Variants in KIF6 observed in about 807,000 individuals in gnomAD.
KIF6 encodes the protein kinesin family member 6.
In KIF6, 106 loss-of-function variants were observed where a neutral mutation model predicts 112.7. The ratio of observed to expected loss-of-function variants is 0.94; its 90% CI spans 0.80 to 1.11. KIF6 has a LOEUF of 1.11. Among genes scored for constraint, KIF6 ranks in the 50% least tolerant of loss-of-function variants. The pLI is 0.00. For missense variants in KIF6, 929 were observed against 964.0 expected (o/e 0.96, Z 0.48); for synonymous variants, 339 against 339.9 (o/e 1.00, Z 0.03).
At chr6:39,703,087 C>A (rs2987590) in intron 3 of KIF6, among the ~76,000 whole-genome samples, 2,546 of 76,470 alleles carry the variant, frequency 0.033, 281 homozygotes, top group Middle Eastern at 0.045. Context: ...CCCCCACCCC[C>A]ACTCCCGGCC....
chr6:39,511,548 T>C (rs1245734060), intron 13 of KIF6, among the ~76,000 whole-genome samples: 3 of 152,158 alleles, frequency 2.0e-5, no homozygotes, highest in Non-Finnish European at 4.4e-5. Context: ...TCCTCAAGGA[T>C]CTAGAACTAG....
intron 6 of KIF6, among the ~76,000 whole-genome samples, chr6:39,596,834 G>C (rs1782298212): frequency 6.6e-6 from 1 of 152,152 alleles, no homozygotes; most frequent in Admixed American, 6.5e-5. Context: ...GAAAATGCAA[G>C]AGCATCTCCA....
chr6:39,480,613 G>A (rs4540261), intron 13 of KIF6, among the ~76,000 whole-genome samples: 24,123 of 151,958 alleles, frequency 0.16, 2,626 homozygotes, highest in African/African-American at 0.29. Context: ...ATCTTGTGGA[G>A]TGGTGTCAAA....
intron 10 of KIF6, among the ~76,000 whole-genome samples, chr6:39,561,331 TA>T (rs1370910444): frequency 2.0e-5 from 3 of 150,650 alleles, no homozygotes; most frequent in African/African-American, 7.4e-5. Flanking sequence ...CTGAGAATGT[TA>T]AAAGGAGAAT....
At chr6:39,376,306 G>T (rs1310864741) in intron 16 of KIF6, among the ~76,000 whole-genome samples, 1 of 152,116 alleles carries the variant, frequency 6.6e-6, no homozygotes, top group Admixed American at 6.5e-5. Context: ...CCGCACCAAG[G>T]TTGCGAGTGT....
chr6:39,639,681 C>A lies in KIF6; in HGVS notation c.328G>T (p.Gly110Cys), dbSNP rs1784808144. Reference protein sequence around the residue: ...GSGKTFTITGGAERYSDRGII... With the variant: ...GSGKTFTITGCAERYSDRGII... ...CCTCTGTCACTGTAACGCTCTGCAC[C>A]CCCTGTGATAGTGAATGTCTTCCCG... The change falls in exon 4 of 23, where the codon GGT becomes TGT. Residue 110 changes from glycine to cysteine, a missense_variant. This residue lies in a region of KIF6 where 688 missense variants were observed against 662.7 expected (regional missense o/e 1.04). Transcript: ENST00000287152. 1 of 1,611,724 alleles carries A rather than the reference C, an allele frequency of 6.2e-7. No homozygotes were observed. The highest frequency in any genetic ancestry group is 2.2e-5 in the East Asian group (1 of 44,752).
At chr6:39,370,892 G>A (rs1270908977) in intron 16 of KIF6, among the ~76,000 whole-genome samples, 1 of 152,088 alleles carries the variant, frequency 6.6e-6, no homozygotes, top group Non-Finnish European at 1.5e-5. Flanking sequence ...AGAGGGTGGG[G>A]CATGGGCTGA....
rs1774023657 is a variant in KIF6, at chr6:39,470,043, A to G, written c.1646-38882T>C. On this transcript the variant is annotated intron_variant, in intron 13 of 22. Transcript: ENST00000287152. The stretch of plus-strand genomic sequence containing the variant: ...ACGAAAACATTCTCTAGGATAAATC[A>G]TGTCTTTGACCATAAAACAAGCCTT... Among the ~76,000 whole-genome samples, 3 of 152,238 alleles carry G rather than the reference A, an allele frequency of 2.0e-5. No individual in the cohort carries two copies. In the South Asian group the frequency reaches 6.2e-4, roughly 31 times the overall value.
chr6:39,502,928 C>G lies in KIF6; in HGVS notation c.1645+37075G>C, dbSNP rs188960283. On this transcript the variant is annotated intron_variant, in intron 13 of 22. Transcript: ENST00000287152. ...TAACACCCCGCTGACAATATTAGAT[C>G]ATTGAGACAGAAAATTAACAAAGAT... Among the ~76,000 whole-genome samples, 82 of 151,980 alleles carry G rather than the reference C, an allele frequency of 5.4e-4. 1 individual carries two copies. The East Asian group carries it at 0.015, about 27-fold the overall frequency.
At chr6:39,659,494 C>G (rs1786003203) in intron 3 of KIF6, among the ~76,000 whole-genome samples, 1 of 152,106 alleles carries the variant, frequency 6.6e-6, no homozygotes. Flanking sequence ...TGGGTGTGTT[C>G]CCACCCAAAT....
intron 16 of KIF6, among the ~76,000 whole-genome samples, chr6:39,366,732 G>A (rs1452097156): frequency 6.6e-6 from 1 of 152,198 alleles, no homozygotes; most frequent in African/African-American, 2.4e-5. Flanking sequence ...AGGAGCGGTT[G>A]GGAAGGGAAA....
At chr6:39,406,131 T>C (rs902413180) in intron 15 of KIF6, among the ~76,000 whole-genome samples, 1 of 152,190 alleles carries the variant, frequency 6.6e-6, no homozygotes, top group Non-Finnish European at 1.5e-5. Flanking sequence ...GTGATTCTCG[T>C]GCCTCAGCTT....
At chr6:39,526,642 C>T (rs975107842) in intron 13 of KIF6, among the ~76,000 whole-genome samples, 3 of 152,208 alleles carry the variant, frequency 2.0e-5, no homozygotes, top group Non-Finnish European at 2.9e-5. Flanking sequence ...ATCATTTATT[C>T]ATTTCATCCA....
intron 16 of KIF6, among the ~76,000 whole-genome samples, chr6:39,382,051 G>C (rs1410909969): frequency 2.0e-5 from 3 of 152,230 alleles, no homozygotes; most frequent in Non-Finnish European, 4.4e-5. Flanking sequence ...GGGCAGCAGA[G>C]AGGATGGAAG....
At chr6:39,482,489 G>A (rs539131974) in intron 13 of KIF6, among the ~76,000 whole-genome samples, 1 of 152,318 alleles carries the variant, frequency 6.6e-6, no homozygotes, top group Non-Finnish European at 1.5e-5. Flanking sequence ...ACAAGAGGCT[G>A]AGGATGGAAG....
chr6:39,622,732 T>C (rs938215198), intron 5 of KIF6, among the ~76,000 whole-genome samples: 1 of 152,238 alleles, frequency 6.6e-6, no homozygotes, highest in Non-Finnish European at 1.5e-5. Context: ...GTGAAAGTCA[T>C]TGGATGGAGC....
At chr6:39,414,375 C>T (rs1307501519) in intron 15 of KIF6, among the ~76,000 whole-genome samples, 2 of 152,236 alleles carry the variant, frequency 1.3e-5, no homozygotes, top group Non-Finnish European at 2.9e-5. Flanking sequence ...GAATACAACC[C>T]TTCAACTCTA....
intron 8 of KIF6, among the ~76,000 whole-genome samples, chr6:39,585,247 A>G (rs1477774018): frequency 1.3e-5 from 2 of 152,178 alleles, no homozygotes; most frequent in African/African-American, 4.8e-5. Context: ...TTCAGGATGA[A>G]ACTGTTCCAA....
intron 15 of KIF6, among the ~76,000 whole-genome samples, chr6:39,402,170 A>G (rs1768755876): frequency 6.6e-6 from 1 of 152,128 alleles, no homozygotes; most frequent in Admixed American, 6.5e-5. Flanking sequence ...AAGCTCTGAC[A>G]TCAGAAGCTC....
Sources: gnomAD v4.1 joint callset for allele counts (sites outside exome capture counted in the v4.1 genomes callset) on GRCh38, gnomAD v4.1.1 for gene constraint, gnomAD v4.1.1 regional missense constraint, MANE v1.5 for transcripts, NCBI Gene and HGNC (gene_info 2026-07-23, HGNC 2026-07-21) for gene names.